The following USP14 variants were observed in gnomAD, a reference collection of about 807,000 sequenced individuals.
The protein encoded by USP14 is ubiquitin specific peptidase 14.
USP14 carries 38 observed loss-of-function variants against 76.5 expected under a neutral mutation model. That is an observed-to-expected ratio of 0.50 (90% confidence interval 0.38 to 0.65). The LOEUF (loss-of-function observed/expected upper bound fraction) is 0.65, where lower values mean the gene tolerates loss of function less well. Ranked by LOEUF, USP14 falls within the 30% of genes least tolerant of loss-of-function variation. The pLI is 0.00. For missense variants in USP14, 467 were observed against 586.5 expected, an observed-to-expected ratio of 0.80 and a Z score of 2.10; for synonymous variants, 192 against 191.7, an observed-to-expected ratio of 1.00 and a Z score of -0.01.
At chr18:184,390 C>G (rs1447358443) in intron 5 of USP14, among the ~76,000 whole-genome samples, 6 of 152,152 alleles carry the variant, frequency 3.9e-5, no homozygotes, top group Non-Finnish European at 7.3e-5. Context: ...AGGTGTTTTA[C>G]AGCTGGAGAT....
intron 7 of USP14, 152 bp downstream of exon 7, chr18:196,919 T>A: frequency 1.1e-6 from 1 of 898,430 alleles, no homozygotes; most frequent in Non-Finnish European, 1.6e-6. Flanking sequence ...ACAGTAGTCT[T>A]AACTGATATC....
chr18:165,960 A>G (rs767446865), intron 2 of USP14, among the ~76,000 whole-genome samples: 9 of 152,198 alleles, frequency 5.9e-5, no homozygotes, highest in Non-Finnish European at 1.2e-4. Context: ...GGAAAGGCCT[A>G]GCTGTAGTTA....
intron 2 of USP14, among the ~76,000 whole-genome samples, chr18:166,070 G>A (rs144326546): frequency 5.3e-5 from 8 of 152,164 alleles, no homozygotes; most frequent in East Asian, 1.9e-4. Context: ...TTATAGATGC[G>A]TTATAGACAT....
chr18:159,153 T>G (rs768105781), intron 1 of USP14: 54 of 167,350 alleles, frequency 3.2e-4, no homozygotes, highest in Non-Finnish European at 5.4e-4. Flanking sequence ...CCAAGCGGCG[T>G]TCGCCGCCCT....
chr18:159,295 T>C (rs1909049347), intron 1 of USP14, among the ~76,000 whole-genome samples: 1 of 152,208 alleles, frequency 6.6e-6, no homozygotes, highest in African/African-American at 2.4e-5. Context: ...TTGCATTGGA[T>C]TTCTGTATCC....
In USP14 at chr18:213,847, C is replaced by CTGAAG. The variant is rs1395892404; in HGVS notation, c.*2567_*2571dup. The CTGAAG allele has an allele frequency of 6.6e-6, 1 of 152,166 alleles. No individual in the cohort carries two copies. The highest frequency in any genetic ancestry group is 2.4e-5 in the African/African-American group (1 of 41,422). The allele number at this position is 152,166 out of a possible 1,614,324, so 9.4% of individuals were successfully genotyped here. A position where few individuals can be genotyped will look rare whatever the true frequency, so the allele number is the denominator to read the frequency against. ...TCTCAGTTGAATGTCACAAGAATCCCTGAAGTGATTAAAAGTCTTGAGAGG... is the reference window on the plus strand; with the variant it reads ...TCTCAGTTGAATGTCACAAGAATCCCTGAAGTGAAGTGATTAAAAGTCTTGAGAGG... On this transcript the variant is annotated 3_prime_UTR_variant, in exon 16 of 16. Transcript: ENST00000261601.
At chr18:187,567 T>A (rs1381040844) in intron 5 of USP14, among the ~76,000 whole-genome samples, 2 of 152,206 alleles carry the variant, frequency 1.3e-5, no homozygotes, top group African/African-American at 4.8e-5. Flanking sequence ...ATAGGCTGTC[T>A]CCCCATTGTT....
intron 2 of USP14, 31 bp downstream of exon 2, chr18:163,484 A>G: frequency 6.3e-7 from 1 of 1,578,134 alleles, no homozygotes. Context: ...TCATCACATT[A>G]CTATTATTGT....
At position 196,680 on chromosome 18, in the gene USP14, T is replaced by C. The variant is rs1598276468; in HGVS notation, c.507T>C (p.Ser169=). Residue 169 remains serine (S), a synonymous_variant, in exon 7 of 16, where the codon AGT becomes AGC. Transcript: ENST00000261601. ...LFDSMDKTSS[S]IPPIILLQFL... ...ATTCCATGGATAAAACTTCTTCCAG[T>C]ATTCCACCTATTATTCTACTGCAGT... 6.2e-7 allele frequency: 1 copy of C among 1,614,124 alleles called. No homozygotes were observed. Among genetic ancestry groups the C allele is most frequent in the Non-Finnish European group, 8.5e-7 (1 of 1,180,000 alleles).
At chr18:165,886 C>A (rs1325239558) in intron 2 of USP14, among the ~76,000 whole-genome samples, 5 of 152,042 alleles carry the variant, frequency 3.3e-5, no homozygotes, top group Admixed American at 6.6e-5. Context: ...GGTAGACAAG[C>A]ATATTGGGTA....
At position 204,640 on chromosome 18, in the gene USP14, G is replaced by T. The variant is rs766621306; in HGVS notation, c.1112G>T (p.Arg371Leu). ...CTTCAAGAGAAAATGGTGTCTTTTCGATCCAAATTCAAGGATCTAGAAGAT... is the reference window on the plus strand; with the variant it reads ...CTTCAAGAGAAAATGGTGTCTTTTCTATCCAAATTCAAGGATCTAGAAGAT... ...PELQEKMVSF[R>L]SKFKDLEDKK... The change falls in exon 13 of 16, where the codon CGA (arginine) becomes CTA (leucine). Residue 371 changes from arginine to leucine, a missense_variant. Arg to Leu is a moderately radical substitution (Grantham distance 102). Coordinates refer to ENST00000261601, the MANE Select transcript of USP14 (RefSeq NM_005151.4). The T allele has an allele frequency of 1.2e-6, 2 of 1,613,022 alleles. No individual in the cohort carries two copies. Among genetic ancestry groups the T allele is most frequent in the South Asian group, 1.1e-5 (1 of 90,898 alleles).
At chr18:210,341 T>A in intron 14 of USP14, 45 bp from the exon 15 acceptor site, 1 of 1,370,270 alleles carries the variant, frequency 7.3e-7, no homozygotes, top group South Asian at 1.3e-5. Flanking sequence ...AGAAGGCACA[T>A]GTCTATTCAT....
At chr18:163,715 CT>C (rs955116621) in intron 2 of USP14, among the ~76,000 whole-genome samples, 4 of 151,844 alleles carry the variant, frequency 2.6e-5, no homozygotes, top group African/African-American at 9.7e-5. Flanking sequence ...CTTTTAGGTT[CT>C]GAGATACATA....
chr18:196,703 A>G lies in USP14; in HGVS notation c.530A>G (p.Gln177Arg). 6.2e-7 allele frequency: 1 copy of G among 1,614,116 alleles called. No individual in the cohort carries two copies. The highest frequency in any genetic ancestry group is 8.5e-7 in the Non-Finnish European group (1 of 1,179,992). ...SSSIPPIILL[Q>R]FLHMAFPQFA... Reference sequence around the variant, plus strand: ...AGTATTCCACCTATTATTCTACTGCAGTTTTTGCACATGGCTTTCCCACAG... The same window carrying G: ...AGTATTCCACCTATTATTCTACTGCGGTTTTTGCACATGGCTTTCCCACAG... The change falls in exon 7 of 16, where the codon CAG becomes CGG. Residue 177 changes from glutamine to arginine, a missense_variant. Physicochemically the swap from Gln to Arg is conservative, Grantham distance 43. Transcript: ENST00000261601.
rs778496282 is a variant in USP14 at position 210,413 on chromosome 18, A to G, written c.1253A>G (p.Tyr418Cys). 3.1e-6 allele frequency: 5 copies of G among 1,609,324 alleles called. No homozygotes were observed. In the East Asian group the frequency reaches 9.0e-5, roughly 29 times the overall value. ...DDIGSNNCGY[Y>C]DLQAVLTHQG... is the part of the protein sequence containing the mutation. Reference sequence around the variant, plus strand: ...ATTGGCTCCAATAATTGTGGATACTATGACTTACAAGCAGTACTAACACAC... The same window carrying G: ...ATTGGCTCCAATAATTGTGGATACTGTGACTTACAAGCAGTACTAACACAC... The change falls in exon 15 of 16, where the codon TAT (tyrosine) becomes TGT (cysteine). Residue 418 changes from tyrosine (Y) to cysteine (C), a missense_variant. Coordinates refer to ENST00000261601, the MANE Select transcript of USP14 (RefSeq NM_005151.4).
In USP14 at chr18:213,973, G is replaced by GAT. The variant is rs1295019780; in HGVS notation, c.*2690_*2691dup. 1 of 120,516 alleles carries GAT rather than the reference G, an allele frequency of 8.3e-6. No individual in the cohort carries two copies. Among genetic ancestry groups the GAT allele is most frequent in the Non-Finnish European group, 1.8e-5 (1 of 56,476 alleles). The allele number at this position is 120,516 out of a possible 1,614,324, so 7.5% of individuals were successfully genotyped here. On this transcript the variant is annotated 3_prime_UTR_variant, in exon 16 of 16. Transcript: ENST00000261601. ...TTTTCTGTAATGGACAAGATAGATAGATTAGATAGATAGATAGATAGATAG... is the reference window on the plus strand; with the variant it reads ...TTTTCTGTAATGGACAAGATAGATAGATATTAGATAGATAGATAGATAGATAG...
intron 4 of USP14, 79 bp from the exon 5 acceptor site, chr18:180,157 T>G: frequency 1.5e-6 from 1 of 675,636 alleles, no homozygotes; most frequent in Non-Finnish European, 2.3e-6. Context: ...AATGAGAATT[T>G]TAGTGATTTA....
At chr18:172,015 A>G (rs1162946798) in intron 3 of USP14, among the ~76,000 whole-genome samples, 1 of 152,110 alleles carries the variant, frequency 6.6e-6, no homozygotes, top group East Asian at 1.9e-4. Flanking sequence ...CTGAGACAGG[A>G]GGAGAGCTTC....
intron 13 of USP14, among the ~76,000 whole-genome samples, chr18:205,550 G>GA (rs1910506531): frequency 6.6e-6 from 1 of 152,148 alleles, no homozygotes; most frequent in Non-Finnish European, 1.5e-5. Context: ...GAGGCAGGAG[G>GA]ATCACTTTAG....
Sources: allele counts gnomAD v4.1 joint callset (sites outside exome capture counted in the v4.1 genomes callset), GRCh38; gene constraint gnomAD v4.1.1; transcripts MANE v1.5; gene names NCBI Gene and HGNC (gene_info 2026-07-23, HGNC 2026-07-21).